The following CNTNAP2 variants were observed in gnomAD, a reference collection of about 807,000 sequenced individuals.
CNTNAP2 encodes the protein contactin associated protein 2.
Under a neutral mutation model 155.2 loss-of-function variants are expected in CNTNAP2, and 98 were observed. The observed-to-expected ratio is 0.63, with a 90% CI of 0.54 to 0.75. The LOEUF is 0.75. Among genes scored for constraint, CNTNAP2 ranks in the 30% least tolerant of loss-of-function variants. CNTNAP2 has a pLI of 0.00. For synonymous variants in CNTNAP2, 651 were observed against 631.2 expected (o/e 1.03, Z -0.47); for missense variants, 1,727 against 1,688.1 (o/e 1.02, Z -0.40).
At chr7:147,440,229 G>A (rs1797614705) in intron 10 of CNTNAP2, among the ~76,000 whole-genome samples, 1 of 151,682 alleles carries the variant, frequency 6.6e-6, no homozygotes, top group Non-Finnish European at 1.5e-5. Context: ...CTGTGTATCT[G>A]TTGTGTGTTT....
At chr7:146,659,903 T>C (rs1800058483) in intron 1 of CNTNAP2, among the ~76,000 whole-genome samples, 1 of 152,182 alleles carries the variant, frequency 6.6e-6, no homozygotes, top group Admixed American at 6.5e-5. Flanking sequence ...GTTGGCACAG[T>C]GCTGAAGGAT....
intron 1 of CNTNAP2, among the ~76,000 whole-genome samples, chr7:146,342,341 A>C (rs1794743270): frequency 6.6e-6 from 1 of 152,192 alleles, no homozygotes; most frequent in African/African-American, 2.4e-5. Flanking sequence ...GCAAAGTCAG[A>C]TGTCAGATGC....
chr7:147,698,975 GA>G (rs1229120876), intron 13 of CNTNAP2, among the ~76,000 whole-genome samples: 1 of 152,048 alleles, frequency 6.6e-6, no homozygotes, highest in Non-Finnish European at 1.5e-5. Flanking sequence ...ATCTTTCTAA[GA>G]AGGAAACAGA....
At chr7:146,891,389 CG>C (rs753370543) in intron 3 of CNTNAP2, among the ~76,000 whole-genome samples, 2 of 151,842 alleles carry the variant, frequency 1.3e-5, no homozygotes, top group Non-Finnish European at 2.9e-5. Context: ...CGTATACCCC[CG>C]AATGTAAAAG....
intron 18 of CNTNAP2, among the ~76,000 whole-genome samples, chr7:148,183,338 G>C (rs1322914296): frequency 1.3e-5 from 2 of 152,132 alleles, no homozygotes; most frequent in African/African-American, 4.8e-5. Context: ...GCGTAATTTG[G>C]GTTAAGGGAG....
chr7:147,428,270 C>T (rs1296618572), intron 10 of CNTNAP2, among the ~76,000 whole-genome samples: 1 of 152,118 alleles, frequency 6.6e-6, no homozygotes, highest in Non-Finnish European at 1.5e-5. Context: ...GCCTTATAAC[C>T]TACTCAATAA....
chr7:148,101,050 G>A (rs375883531), intron 15 of CNTNAP2, among the ~76,000 whole-genome samples: 14 of 147,016 alleles, frequency 9.5e-5, no homozygotes, highest in Admixed American at 2.8e-4. Flanking sequence ...AAACACCACC[G>A]CATGTTCTCA....
chr7:146,617,506 CTT>C (rs150401530), intron 1 of CNTNAP2, among the ~76,000 whole-genome samples: 4,514 of 152,264 alleles, frequency 0.03, 238 homozygotes, highest in African/African-American at 0.1. Flanking sequence ...CTCATTACCT[CTT>C]TGGCAATTTC....
At chr7:147,814,922 T>C (rs540991305) in intron 13 of CNTNAP2, among the ~76,000 whole-genome samples, 1 of 152,284 alleles carries the variant, frequency 6.6e-6, no homozygotes, top group Admixed American at 6.5e-5. Context: ...ATAATATACC[T>C]AGTAATAATA....
intron 15 of CNTNAP2, among the ~76,000 whole-genome samples, chr7:148,046,095 G>C (rs1046110307): frequency 6.6e-6 from 1 of 151,902 alleles, no homozygotes; most frequent in Non-Finnish European, 1.5e-5. Flanking sequence ...TTTTGTTTTT[G>C]TTTGAGGCAG....
intron 9 of CNTNAP2, among the ~76,000 whole-genome samples, chr7:147,341,448 A>T (rs747544077): frequency 1.7e-4 from 16 of 95,538 alleles, no homozygotes; most frequent in South Asian, 7.3e-4. Flanking sequence ...AAAAAAATTT[A>T]AAAAATAATA....
chr7:147,982,520 T>C (rs910634655), intron 15 of CNTNAP2, among the ~76,000 whole-genome samples: 1 of 152,164 alleles, frequency 6.6e-6, no homozygotes, highest in Non-Finnish European at 1.5e-5. Context: ...AAGGCAGTAG[T>C]GACACATCTA....
chr7:146,314,225 T>G (rs1452462698), intron 1 of CNTNAP2, among the ~76,000 whole-genome samples: 1 of 152,216 alleles, frequency 6.6e-6, no homozygotes, highest in Non-Finnish European at 1.5e-5. Flanking sequence ...TCGTCAGTGT[T>G]CCTCCTTAAT....
At chr7:146,195,390 C>T (rs1798761086) in intron 1 of CNTNAP2, among the ~76,000 whole-genome samples, 1 of 152,168 alleles carries the variant, frequency 6.6e-6, no homozygotes, top group Admixed American at 6.5e-5. Flanking sequence ...ATTGAACTAA[C>T]ATGGAGGGCA....
At chr7:147,349,861 G>A (rs527259739) in intron 9 of CNTNAP2, among the ~76,000 whole-genome samples, 2 of 151,948 alleles carry the variant, frequency 1.3e-5, no homozygotes, top group African/African-American at 4.8e-5. Flanking sequence ...GGAGTTGGTG[G>A]GTCAAGAGAG....
At chr7:146,906,223 G>A (rs1796122264) in intron 3 of CNTNAP2, among the ~76,000 whole-genome samples, 1 of 152,080 alleles carries the variant, frequency 6.6e-6, no homozygotes, top group Admixed American at 6.5e-5. Context: ...CGAGGCTGGG[G>A]GAGGGGCGCC....
intron 15 of CNTNAP2, among the ~76,000 whole-genome samples, chr7:148,101,015 CA>C (rs901615993): frequency 2.0e-4 from 30 of 151,368 alleles, no homozygotes; most frequent in African/African-American, 6.3e-4. Context: ...TCATTCTCAG[CA>C]AACTATTGCA....
intron 12 of CNTNAP2, among the ~76,000 whole-genome samples, chr7:147,607,963 G>A (rs1801104412): frequency 6.6e-6 from 1 of 152,120 alleles, no homozygotes; most frequent in Non-Finnish European, 1.5e-5. Context: ...CCTAGCAGGT[G>A]CCTGAAAATG....
At position 146,279,912 on chromosome 7, in the gene CNTNAP2, A is replaced by C. The variant is rs542701413; in HGVS notation, c.97+162939A>C. Among the ~76,000 whole-genome samples, 7 of 152,002 alleles carry C rather than the reference A, an allele frequency of 4.6e-5. No homozygotes were observed. In the East Asian group the frequency reaches 1.4e-3, roughly 29 times the overall value. The stretch of plus-strand genomic sequence containing the variant: ...AAAAATATATAATGTAGAAAAAAGT[A>C]CTATATACTAATAAGTGAAAGGAAC... On this transcript the variant is annotated intron_variant, in intron 1 of 23. Coordinates refer to ENST00000361727, the MANE Select transcript of CNTNAP2 (RefSeq NM_014141.6).
Sources: gnomAD v4.1 joint callset for allele counts (sites outside exome capture counted in the v4.1 genomes callset) on GRCh38, gnomAD v4.1.1 for gene constraint, MANE v1.5 for transcripts, NCBI Gene and HGNC (gene_info 2026-07-23, HGNC 2026-07-21) for gene names.